Variants in STRN observed in about 807,000 individuals in gnomAD.
The protein encoded by STRN is striatin, also known as protein phosphatase 2 regulatory subunit B'''alpha.
A neutral mutation model predicts 96.3 loss-of-function variants in STRN; 53 were observed. The ratio of observed to expected loss-of-function variants is 0.55; its 90% CI spans 0.44 to 0.69. The LOEUF (loss-of-function observed/expected upper bound fraction) is 0.69, where lower values mean the gene tolerates loss of function less well. Ranked by LOEUF, STRN falls within the 30% of genes least tolerant of loss-of-function variation. The pLI, the probability that STRN is intolerant of heterozygous loss-of-function variation, is 0.00. For missense variants in STRN, 987 were observed against 963.9 expected (o/e 1.02, Z -0.32); for synonymous variants, 428 against 355.9 (o/e 1.20, Z -2.28).
chr2:36,891,357 T>C (rs1164868370), intron 7 of STRN, among the ~76,000 whole-genome samples: 1 of 152,072 alleles, frequency 6.6e-6, no homozygotes, highest in African/African-American at 2.4e-5. Context: ...TGAAACCCTG[T>C]CTCTACTAAA....
intron 11 of STRN, among the ~76,000 whole-genome samples, chr2:36,869,258 T>C (rs6715033): frequency 0.041 from 6,223 of 152,286 alleles, 197 homozygotes; most frequent in East Asian, 0.13. Context: ...ACCTTCAGTA[T>C]AGACAAGGGG....
At chr2:36,959,662 A>T (rs1449869192) in intron 1 of STRN, among the ~76,000 whole-genome samples, 3 of 152,240 alleles carry the variant, frequency 2.0e-5, no homozygotes, top group Non-Finnish European at 4.4e-5. Flanking sequence ...TGCTATCATC[A>T]GAAAGAACAA....
At chr2:36,890,998 G>A (rs1327088494) in intron 7 of STRN, among the ~76,000 whole-genome samples, 2 of 152,080 alleles carry the variant, frequency 1.3e-5, no homozygotes, top group African/African-American at 2.4e-5. Context: ...AAGTATTTCG[G>A]ATTTCAAATT....
At chr2:36,963,762 A>C (rs1289454319) in intron 1 of STRN, among the ~76,000 whole-genome samples, 1 of 152,024 alleles carries the variant, frequency 6.6e-6, no homozygotes, top group Non-Finnish European at 1.5e-5. Flanking sequence ...TTCAAGACCA[A>C]CCTGGCCAAC....
At chr2:36,951,384 T>C (rs1191338380) in intron 1 of STRN, among the ~76,000 whole-genome samples, 2 of 152,188 alleles carry the variant, frequency 1.3e-5, no homozygotes, top group African/African-American at 4.8e-5. Context: ...CTTTATACAA[T>C]AAAATGCAGA....
At chr2:36,852,116 C>T (rs893261028) in intron 15 of STRN, among the ~76,000 whole-genome samples, 7 of 152,214 alleles carry the variant, frequency 4.6e-5, no homozygotes, top group South Asian at 2.1e-4. Context: ...TCTCTCCCAA[C>T]CTGATGGTTC....
At chr2:36,919,506 C>CA (rs1572674452) in intron 2 of STRN, among the ~76,000 whole-genome samples, 1 of 151,696 alleles carries the variant, frequency 6.6e-6, no homozygotes, top group East Asian at 1.9e-4. Context: ...CACAGTGGGT[C>CA]AAAAAACAGC....
intron 3 of STRN, among the ~76,000 whole-genome samples, chr2:36,907,547 C>CA (rs943574432): frequency 5.2e-4 from 69 of 133,756 alleles, no homozygotes; most frequent in Admixed American, 6.1e-4. Context: ...GACTCTGTCT[C>CA]AAAAAAAAAA....
chr2:36,965,215 A>G (rs564851581), intron 1 of STRN, among the ~76,000 whole-genome samples: 13 of 152,348 alleles, frequency 8.5e-5, no homozygotes, highest in East Asian at 1.9e-4. Flanking sequence ...CTCAAATTTC[A>G]TAAGTATACA....
At chr2:36,943,475 A>G (rs992853044) in intron 1 of STRN, among the ~76,000 whole-genome samples, 13 of 152,078 alleles carry the variant, frequency 8.5e-5, no homozygotes, top group Non-Finnish European at 1.9e-4. Context: ...TATTTATTAA[A>G]TCATTTCACT....
rs149143928 is a variant in STRN at position 36,905,555 on chromosome 2, C to T, written c.476G>A (p.Arg159Gln). ...AGACACTTACTGTCTGAGTAGTTGT[C>T]GACCTTGTTTCCACATTAACTGGCT... ...QNSQLMWKQG[R>Q]QLLRQYLQEV... The change falls in exon 4 of 18, where the codon CGA becomes CAA. Residue 159 changes from arginine to glutamine, a missense_variant. Transcript: ENST00000263918. 29 of 1,613,594 alleles carry T rather than the reference C, an allele frequency of 1.8e-5. No homozygotes were observed. The highest frequency in any genetic ancestry group is 2.2e-5 in the Non-Finnish European group (26 of 1,179,844).
intron 11 of STRN, among the ~76,000 whole-genome samples, chr2:36,868,218 T>C (rs984937528): frequency 2.0e-5 from 3 of 151,624 alleles, no homozygotes; most frequent in African/African-American, 7.2e-5. Flanking sequence ...TATTTAATCT[T>C]TCTGAACTTC....
chr2:36,925,180 C>A lies in STRN; in HGVS notation c.263G>T (p.Arg88Met), dbSNP rs1670376823. 3 of 1,613,906 alleles carry A rather than the reference C, an allele frequency of 1.9e-6. No homozygotes were observed. Among genetic ancestry groups the A allele is most frequent in the Non-Finnish European group, 1.7e-6 (2 of 1,179,840 alleles). Residue 88 changes from arginine (R) to methionine (M), a missense_variant, in exon 2 of 18, where the codon AGG becomes ATG. Physicochemically the swap from Arg to Met is moderately conservative, Grantham distance 91 (BLOSUM62 -1). Coordinates refer to ENST00000263918, the MANE Select transcript of STRN (RefSeq NM_003162.4). Reference protein sequence around the residue: ...QAQIAFLQGERKGQENLKKDL... With the variant: ...QAQIAFLQGEMKGQENLKKDL... ...CTTCTTCAAATTTTCTTGGCCCTTC[C>A]TTTCTCCCTGCAGGAAGGCAATCTG...
chr2:36,966,526 A>G lies in STRN; in HGVS notation c.-63T>C. ...AGCAGCGGAGGCAACAGCGGCGGCA[A>G]GCAGCGCCTCCTCCTCCCTCCGCCG... On this transcript the variant is annotated 5_prime_UTR_variant, in exon 1 of 18. Coordinates refer to ENST00000263918, the MANE Select transcript of STRN (RefSeq NM_003162.4). 1 of 1,362,544 alleles carries G rather than the reference A, an allele frequency of 7.3e-7. No individual in the cohort carries two copies. The highest frequency in any genetic ancestry group is 3.2e-5 in the East Asian group (1 of 31,568). The allele number at this position is 1,362,544 out of a possible 1,614,324, so 84.4% of individuals were successfully genotyped here.
chr2:36,849,519 G>A lies in STRN; in HGVS notation c.2280C>T (p.Phe760=). ...KFEESIHDVA[F]HPSKCYIASA... ...TGGCTATATAGCATTTGGATGGGTG[G>A]AAAGCTACATCATGAATCGATTCTT... Residue 760 remains phenylalanine (F), a synonymous_variant, in exon 18 of 18, where the codon TTC becomes TTT. Transcript: ENST00000263918. 1 of 1,614,116 alleles carries A rather than the reference G, an allele frequency of 6.2e-7. No homozygotes were observed. Among genetic ancestry groups the A allele is most frequent in the Non-Finnish European group, 8.5e-7 (1 of 1,179,982 alleles).
intron 10 of STRN, among the ~76,000 whole-genome samples, chr2:36,873,858 G>A (rs1394772766): frequency 2.0e-5 from 3 of 151,564 alleles, no homozygotes; most frequent in Non-Finnish European, 2.9e-5. Flanking sequence ...CAGGAGAATT[G>A]CTTGAACCTG....
chr2:36,964,246 C>T (rs536463194), intron 1 of STRN, among the ~76,000 whole-genome samples: 1 of 144,066 alleles, frequency 6.9e-6, no homozygotes, highest in African/African-American at 2.7e-5. Flanking sequence ...GCATTGTTTT[C>T]TGGTGTGTGT....
chr2:36,878,281 CCTTTT>C (rs1668969326), intron 9 of STRN, among the ~76,000 whole-genome samples: 1 of 152,124 alleles, frequency 6.6e-6, no homozygotes, highest in South Asian at 2.1e-4. Context: ...ACTGTCCTTT[CCTTTT>C]CACTATATAG....
intron 6 of STRN, among the ~76,000 whole-genome samples, chr2:36,898,492 T>C (rs764348005): frequency 6.6e-6 from 1 of 152,226 alleles, no homozygotes; most frequent in Non-Finnish European, 1.5e-5. Flanking sequence ...TTTGAGTCTC[T>C]GATGGAGCCT....
Sources: allele counts gnomAD v4.1 joint callset (sites outside exome capture counted in the v4.1 genomes callset), GRCh38; gene constraint gnomAD v4.1.1; transcripts MANE v1.5; gene names NCBI Gene and HGNC (gene_info 2026-07-23, HGNC 2026-07-21).